SLC12A5: variants seen among roughly 807,000 people sequenced by gnomAD.
The protein encoded by SLC12A5 is K-Cl cotransporter 2.
A neutral mutation model predicts 124.0 loss-of-function variants in SLC12A5; 18 were observed. The ratio of observed to expected loss-of-function variants is 0.15; its 90% CI spans 0.10 to 0.22. SLC12A5 has a LOEUF of 0.22. Among genes scored for constraint, SLC12A5 ranks in the 10% least tolerant of loss-of-function variants. The probability of loss-of-function intolerance (pLI) is 1.00; values close to 1 mark genes in which losing one functional copy is unlikely to be tolerated. For missense variants in SLC12A5, 867 were observed against 1,478.7 expected, an observed-to-expected ratio of 0.59 and a Z score of 6.78; for synonymous variants, 589 against 568.0, an observed-to-expected ratio of 1.04 and a Z score of -0.53.
In SLC12A5 at chr20:46,043,867, C is replaced by T. The variant is rs1377758274; in HGVS notation, c.1337-9C>T. The T allele has an allele frequency of 1.2e-6, 2 of 1,613,718 alleles. No homozygotes were observed. The highest frequency in any genetic ancestry group is 3.3e-5 in the Admixed American group (2 of 59,990). ...AACCGTGGGGATTCTCCTTTATCCT[C>T]TGCTGCAGACATCAGCTCCGTTGTT... is the stretch of plus-strand genomic sequence containing the variant. On this transcript the variant is annotated splice_polypyrimidine_tract_variant and intron_variant, in intron 10 of 25. Transcript: ENST00000243964.
chr20:46,029,468 A>C, intron 1 of SLC12A5, 72 bp downstream of exon 1: 1 of 1,478,774 alleles, frequency 6.8e-7, no homozygotes, highest in South Asian at 1.3e-5. Context: ...TTAGAGGCGG[A>C]GCGGGGGCCA....
In SLC12A5 at chr20:46,058,815, C is replaced by A; in HGVS notation, c.*1210C>A. ...AGAGCCGCCCGTGATGTTCCTCCCC[C>A]GTCCCCATCTGGCAGCTCCTGTCTC... On this transcript the variant is annotated 3_prime_UTR_variant, in exon 26 of 26. Transcript: ENST00000243964. This position sits in a 1 kb window ranked among gnomAD's most constrained non-coding sequence, Gnocchi z 5.8. 1 of 397,972 alleles carries A rather than the reference C, an allele frequency of 2.5e-6. No individual in the cohort carries two copies. The highest frequency in any genetic ancestry group is 1.4e-4 in the South Asian group (1 of 7,126). The allele number at this position is 397,972 out of a possible 1,614,324, so 24.7% of individuals were successfully genotyped here.
At chr20:46,034,022 A>T (rs1355813165) in intron 1 of SLC12A5, among the ~76,000 whole-genome samples, 1 of 151,832 alleles carries the variant, frequency 6.6e-6, no homozygotes, top group Non-Finnish European at 1.5e-5. Flanking sequence ...CTTGAACACG[A>T]CCTGCTAATC....
intron 14 of SLC12A5, 121 bp from the exon 15 acceptor site, chr20:46,047,333 C>T (rs1447513313): frequency 4.5e-6 from 6 of 1,335,110 alleles, no homozygotes; most frequent in Non-Finnish European, 6.2e-6. Context: ...TTCCCCTAGA[C>T]CGGGCTGTCA....
chr20:46,044,739 C>A, intron 11 of SLC12A5: 1 of 558,080 alleles, frequency 1.8e-6, no homozygotes, highest in South Asian at 2.1e-5. Flanking sequence ...GGGCTGGGAC[C>A]TATGCTGGAG....
At position 46,059,471 on chromosome 20, in the gene SLC12A5, C is replaced by A; in HGVS notation, c.*1866C>A. On this transcript the variant is annotated 3_prime_UTR_variant, in exon 26 of 26. Coordinates refer to ENST00000243964, the MANE Select transcript of SLC12A5 (RefSeq NM_020708.5). ...CCCCTGCATCCTTCAGTAGACCTCCCTCTGAACACCACAGCCAGGTCCTGC... is the reference window on the plus strand; with the variant it reads ...CCCCTGCATCCTTCAGTAGACCTCCATCTGAACACCACAGCCAGGTCCTGC... 2.5e-6 allele frequency: 1 copy of A among 398,600 alleles called. No individual in the cohort carries two copies. Among genetic ancestry groups the A allele is most frequent in the South Asian group, 1.3e-4 (1 of 7,682 alleles). The allele number at this position is 398,600 out of a possible 1,614,324, so 24.7% of individuals were successfully genotyped here. A position where few individuals can be genotyped will look rare whatever the true frequency, so the allele number is the denominator to read the frequency against.
chr20:46,040,743 C>T, intron 7 of SLC12A5, 129 bp downstream of exon 7: 3 of 1,397,630 alleles, frequency 2.1e-6, no homozygotes, highest in South Asian at 1.4e-5. Flanking sequence ...AGTAGCTTCC[C>T]TTGGGAGGGA....
chr20:46,038,786 A>G (rs1433984868), intron 6 of SLC12A5, among the ~76,000 whole-genome samples: 13 of 152,194 alleles, frequency 8.5e-5, no homozygotes, highest in Non-Finnish European at 5.9e-5. Context: ...ACTTCTTGAT[A>G]CATTTACGTG....
At chr20:46,048,136 A>G in intron 16 of SLC12A5, 51 bp downstream of exon 16, 1 of 1,492,652 alleles carries the variant, frequency 6.7e-7, no homozygotes, top group African/African-American at 1.4e-5. Flanking sequence ...CATGAGTGCA[A>G]GGCTCAGGAG....
In SLC12A5 at chr20:46,058,736, T is replaced by A; in HGVS notation, c.*1131T>A. On this transcript the variant is annotated 3_prime_UTR_variant, in exon 26 of 26. Coordinates refer to ENST00000243964, the MANE Select transcript of SLC12A5 (RefSeq NM_020708.5). The surrounding 1 kb of genome is among the most constrained non-coding windows in gnomAD (Gnocchi z 5.8). ...CCCGGAGTTTCCTCCCTGGGACAAG[T>A]GAGGGAGGAGGGGGCCGATTCTGGT... is the stretch of plus-strand genomic sequence containing the variant. 2.5e-6 allele frequency: 1 copy of A among 398,758 alleles called. No homozygotes were observed. Among genetic ancestry groups the A allele is most frequent in the Non-Finnish European group, 4.4e-6 (1 of 226,044 alleles). 24.7% of individuals were successfully genotyped at this position (398,758 alleles called of 1,614,324 possible). A position where few individuals can be genotyped will look rare whatever the true frequency, so the allele number is the denominator to read the frequency against.
intron 1 of SLC12A5, among the ~76,000 whole-genome samples, chr20:46,032,248 C>G (rs533621130): frequency 5.9e-5 from 9 of 152,346 alleles, no homozygotes; most frequent in Middle Eastern, 3.4e-3. Flanking sequence ...TGCAGGGTCT[C>G]GGGCCAGGAA....
upstream of SLC12A5, chr20:46,027,819 C>CATT (rs2084412759): frequency 6.6e-6 from 1 of 152,134 alleles, no homozygotes. Context: ...CATCCACTGG[C>CATT]ATTATGTCCA....
At position 46,059,389 on chromosome 20, in the gene SLC12A5, G is replaced by A. The variant is rs2084730587; in HGVS notation, c.*1784G>A. On this transcript the variant is annotated 3_prime_UTR_variant, in exon 26 of 26. Coordinates refer to ENST00000243964, the MANE Select transcript of SLC12A5 (RefSeq NM_020708.5). Reference sequence around the variant, plus strand: ...AGTCCCCTCTGAGATTCGATCAGGGGACTGGATAGATTCTTTCAGGTACTC... The same window carrying A: ...AGTCCCCTCTGAGATTCGATCAGGGAACTGGATAGATTCTTTCAGGTACTC... 2 of 394,428 alleles carry A rather than the reference G, an allele frequency of 5.1e-6. No homozygotes were observed. Among genetic ancestry groups the A allele is most frequent in the Admixed American group, 4.4e-5 (1 of 22,592 alleles). 24.4% of individuals were successfully genotyped at this position (394,428 alleles called of 1,614,324 possible). A position where few individuals can be genotyped will look rare whatever the true frequency, so the allele number is the denominator to read the frequency against.
At chr20:46,031,806 G>A (rs1284371269) in intron 1 of SLC12A5, among the ~76,000 whole-genome samples, 1 of 152,196 alleles carries the variant, frequency 6.6e-6, no homozygotes, top group African/African-American at 2.4e-5. Context: ...GGAGGGCTCA[G>A]CCTCAGTCTG....
In SLC12A5 at chr20:46,056,055, G is replaced by A. The variant is rs757951926; in HGVS notation, c.2788-95G>A. 19 of 1,528,562 alleles carry A rather than the reference G, an allele frequency of 1.2e-5. No individual in the cohort carries two copies. The highest frequency in any genetic ancestry group is 9.1e-5 in the East Asian group (4 of 43,952). 94.7% of individuals were successfully genotyped at this position (1,528,562 alleles called of 1,614,324 possible). A position where few individuals can be genotyped will look rare whatever the true frequency, so the allele number is the denominator to read the frequency against. On this transcript the variant is annotated intron_variant, in intron 21 of 25. Coordinates refer to ENST00000243964, the MANE Select transcript of SLC12A5 (RefSeq NM_020708.5). This position sits in a 1 kb window ranked among gnomAD's most constrained non-coding sequence, Gnocchi z 4.3. ...AACAACTGGTACAGTTCCAGAAAGT[G>A]CATCCTGGCTGAACATCATCTCTGG...
upstream of SLC12A5, chr20:46,021,693 C>T: frequency 1.3e-6 from 2 of 1,504,348 alleles, no homozygotes; most frequent in South Asian, 2.4e-5. Flanking sequence ...GCTCTTTCTC[C>T]CTCCTAGAGC....
At chr20:46,024,310 TG>T (rs1246293590), upstream of SLC12A5, among the ~76,000 whole-genome samples, 1 of 151,800 alleles carries the variant, frequency 6.6e-6, no homozygotes, top group Non-Finnish European at 1.5e-5. Flanking sequence ...ATCTGAGGGG[TG>T]GGTACCTGTG....
In SLC12A5 at chr20:46,043,999, A is replaced by G. The variant is rs2084571981; in HGVS notation, c.1394+66A>G. On this transcript the variant is annotated intron_variant, in intron 11 of 25. Transcript: ENST00000243964. Reference sequence around the variant, plus strand: ...GGTATAGAAGGCTGAGTTCTGGGAAACAGACCCATCAGGAGGTGCTGGGAC... The same window carrying G: ...GGTATAGAAGGCTGAGTTCTGGGAAGCAGACCCATCAGGAGGTGCTGGGAC... 9 of 1,497,136 alleles carry G rather than the reference A, an allele frequency of 6.0e-6. No individual in the cohort carries two copies. In the East Asian group the frequency reaches 2.1e-4, roughly 34 times the overall value. The allele number at this position is 1,497,136 out of a possible 1,614,324, so 92.7% of individuals were successfully genotyped here.
intron 17 of SLC12A5, 105 bp from the exon 18 acceptor site, chr20:46,051,570 A>G (rs979477420): frequency 1.1e-5 from 12 of 1,077,588 alleles, no homozygotes; most frequent in African/African-American, 3.2e-5. Context: ...CTTCAGGAAG[A>G]TTGGGATGAA....
Sources: allele counts gnomAD v4.1 joint callset (sites outside exome capture counted in the v4.1 genomes callset), GRCh38; gene constraint gnomAD v4.1.1; non-coding constraint Gnocchi (gnomAD v3.1); transcripts MANE v1.5; gene names NCBI Gene and HGNC (gene_info 2026-07-23, HGNC 2026-07-21).